Variants in TCTN3 observed in about 807,000 individuals in gnomAD.
TCTN3 encodes the protein tectonic family member 3.
In TCTN3, 57 loss-of-function variants were observed where a neutral mutation model predicts 71.3. The ratio of observed to expected loss-of-function variants is 0.80; its 90% confidence interval spans 0.65 to 1.00. TCTN3 has a LOEUF of 1.00. Ranked by LOEUF, TCTN3 falls within the 50% of genes least tolerant of loss-of-function variation. The pLI, the probability that TCTN3 is intolerant of heterozygous loss-of-function variation, is 0.00. For missense variants in TCTN3, 696 were observed against 719.9 expected, an observed-to-expected ratio of 0.97 and a Z score of 0.38; for synonymous variants, 258 against 267.8, an observed-to-expected ratio of 0.96 and a Z score of 0.36.
intron 13 of TCTN3, among the ~76,000 whole-genome samples, chr10:95,676,656 C>T (rs1397243940): frequency 1.3e-5 from 2 of 151,974 alleles, no homozygotes; most frequent in Non-Finnish European, 2.9e-5. Context: ...ATTTTCTTAC[C>T]ATGGGTGATA....
chr10:95,664,573 G>C lies in TCTN3; in HGVS notation c.1591-273C>G, dbSNP rs532233567. Reference sequence around the variant, plus strand: ...AGCTGGGGAGCTGCCTGATATCAGAGAGGCCACATGGCAAAACTGCTGCTC... The same window carrying C: ...AGCTGGGGAGCTGCCTGATATCAGACAGGCCACATGGCAAAACTGCTGCTC... On this transcript the variant is annotated intron_variant, in intron 13 of 13. Coordinates refer to ENST00000371217, the MANE Select transcript of TCTN3 (RefSeq NM_015631.6). Among the ~76,000 whole-genome samples the C allele has an allele frequency of 3.9e-5, 6 of 152,314 alleles. No homozygotes were observed. The East Asian group carries it at 1.2e-3, about 29-fold the overall frequency.
Position 95,683,506 on chromosome 10 carries a change from G to GC in TCTN3, c.1203+15dup. ...TCATTAGGCTGCAACAGGCCACCCA[G>GC]CTCTAAAAAGGATACTGAGTAACTT... On this transcript the variant is annotated intron_variant, in intron 10 of 13. Coordinates refer to ENST00000371217, the MANE Select transcript of TCTN3 (RefSeq NM_015631.6). 2 of 1,614,130 alleles carry GC rather than the reference G, an allele frequency of 1.2e-6. No homozygotes were observed. Among genetic ancestry groups the GC allele is most frequent in the Non-Finnish European group, 1.7e-6 (2 of 1,180,024 alleles).
chr10:95,665,769 A>G (rs57713066), intron 13 of TCTN3, among the ~76,000 whole-genome samples: 2,262 of 152,224 alleles, frequency 0.015, 56 homozygotes, highest in African/African-American at 0.052. Context: ...TTCAAGTTTA[A>G]CAAAATAGCT....
chr10:95,693,095 AAG>A, intron 2 of TCTN3, 57 bp from the exon 3 acceptor site: 2 of 1,393,090 alleles, frequency 1.4e-6, no homozygotes, highest in Non-Finnish European at 2.0e-6. Context: ...AGGTCCAAAA[AAG>A]AGTGTCCCAG....
intron 13 of TCTN3, among the ~76,000 whole-genome samples, chr10:95,677,766 A>G (rs955934272): frequency 2.4e-4 from 37 of 152,140 alleles, no homozygotes; most frequent in African/African-American, 8.7e-4. Flanking sequence ...AGGTTGTATG[A>G]ATGCAGAACA....
rs1293104268 is a variant in TCTN3 at position 95,693,909 on chromosome 10, A to AGGGCCTCCGGGTCCGACGT, written c.-11_-10insACGTCGGACCCGGAGGCCC. 23 of 1,551,260 alleles carry AGGGCCTCCGGGTCCGACGT rather than the reference A, an allele frequency of 1.5e-5. No homozygotes were observed. The Admixed American group carries it at 4.3e-4, about 29-fold the overall frequency. On this transcript the variant is annotated 5_prime_UTR_variant, in exon 1 of 14. Transcript: ENST00000371217. ...GCTGTGGGGTGCGCATGGGGCATTC[A>AGGGCCTCCGGGTCCGACGT]GGGCCTCCGGGTCCGACGTAGGCCT...
chr10:95,666,163 G>A (rs1185037585), intron 13 of TCTN3, among the ~76,000 whole-genome samples: 5 of 151,530 alleles, frequency 3.3e-5, no homozygotes, highest in East Asian at 3.9e-4. Context: ...GGATGGTCTC[G>A]ATCTCCTGAC....
intron 3 of TCTN3, among the ~76,000 whole-genome samples, chr10:95,690,893 C>T (rs2097952880): frequency 6.6e-6 from 1 of 152,072 alleles, no homozygotes; most frequent in African/African-American, 2.4e-5. Flanking sequence ...GAAATTTTTG[C>T]CTTTTTCATA....
intron 13 of TCTN3, among the ~76,000 whole-genome samples, chr10:95,673,391 T>C (rs1435909863): frequency 6.6e-6 from 1 of 152,142 alleles, no homozygotes; most frequent in African/African-American, 2.4e-5. Context: ...TTTTCCCCCA[T>C]ATGTTTACCC....
Position 95,687,733 on chromosome 10 carries a change from T to A in TCTN3, c.500-14A>T, listed in dbSNP as rs757401240. On this transcript the variant is annotated splice_polypyrimidine_tract_variant and intron_variant, in intron 3 of 13. Transcript: ENST00000371217. ...AGTTTAAGTTTGCTAAAATGTTTTT[T>A]AAAAGAAAAAGCGTTTAGATAAAAG... is the stretch of plus-strand genomic sequence containing the variant. The A allele has an allele frequency of 2.5e-6, 4 of 1,597,052 alleles. No homozygotes were observed. The highest frequency in any genetic ancestry group is 3.4e-6 in the Non-Finnish European group (4 of 1,175,940).
chr10:95,693,115 G>A lies in TCTN3; in HGVS notation c.381-77C>T, dbSNP rs1012790170. The A allele has an allele frequency of 3.9e-6, 5 of 1,277,650 alleles. No individual in the cohort carries two copies. The African/African-American group carries it at 4.4e-5, about 11-fold the overall frequency. 79.1% of individuals were successfully genotyped at this position (1,277,650 alleles called of 1,614,324 possible). On this transcript the variant is annotated intron_variant, in intron 2 of 13. Transcript: ENST00000371217. ...CAAAAAAGAGTGTCCCAGCAATATC[G>A]GCCAGATGATGCCAAAGAGGACTCC... is the stretch of plus-strand genomic sequence containing the variant.
intron 13 of TCTN3, among the ~76,000 whole-genome samples, chr10:95,673,353 A>G (rs1350885404): frequency 1.3e-5 from 2 of 152,142 alleles, no homozygotes; most frequent in Non-Finnish European, 2.9e-5. Flanking sequence ...TACTCTATGT[A>G]TGGACTGAGA....
intron 13 of TCTN3, among the ~76,000 whole-genome samples, chr10:95,676,804 T>C (rs1234175885): frequency 2.0e-5 from 3 of 152,172 alleles, no homozygotes; most frequent in Non-Finnish European, 4.4e-5. Flanking sequence ...AATAATGATA[T>C]CAAGAGTAAT....
rs76824607 is a variant in TCTN3, at chr10:95,678,143, T to C, written c.1590+2329A>G. On this transcript the variant is annotated intron_variant, in intron 13 of 13. Transcript: ENST00000371217. ...GGAGAAGCATCCCAGAAGATATACA[T>C]TCTGCAAGTGTAACTCCTCCTCTTT... 2.3e-4 allele frequency among the ~76,000 whole-genome samples: 35 copies of C among 152,292 alleles called. No homozygotes were observed. The East Asian group carries it at 6.4e-3, about 28-fold the overall frequency.
intron 13 of TCTN3, among the ~76,000 whole-genome samples, chr10:95,676,958 G>A (rs1589608552): frequency 6.6e-6 from 1 of 152,148 alleles, no homozygotes; most frequent in South Asian, 2.1e-4. Flanking sequence ...ACTTGATTTA[G>A]ACCTAGGTCT....
rs60722894 is a variant in TCTN3, at chr10:95,688,397, GAAAAAA to G, written c.500-684_500-679del. 8.6e-5 allele frequency among the ~76,000 whole-genome samples: 9 copies of G among 104,572 alleles called. No individual in the cohort carries two copies. The East Asian group carries it at 1.2e-3, about 14-fold the overall frequency. 68.6% of individuals were successfully genotyped at this position (104,572 alleles called of 152,430 possible). Reference sequence around the variant, plus strand: ...AAGAGCGAAACTCTGTCAAAAAAAAGAAAAAAAAAAAAAAAAAAAAAGAAAAAAAAA... The same window carrying G: ...AAGAGCGAAACTCTGTCAAAAAAAAGAAAAAAAAAAAAAAAGAAAAAAAAA... On this transcript the variant is annotated intron_variant, in intron 3 of 13. Transcript: ENST00000371217.
intron 13 of TCTN3, among the ~76,000 whole-genome samples, chr10:95,678,271 C>T (rs1298535039): frequency 6.6e-6 from 1 of 152,268 alleles, no homozygotes; most frequent in Non-Finnish European, 1.5e-5. Context: ...GTGGCTCACA[C>T]CTGTAATCCC....
At chr10:95,667,321 T>C (rs978616760) in intron 13 of TCTN3, among the ~76,000 whole-genome samples, 6 of 152,008 alleles carry the variant, frequency 3.9e-5, no homozygotes, top group Non-Finnish European at 8.8e-5. Context: ...AAGAAACAGA[T>C]ACAAAAACTC....
At chr10:95,674,542 T>TA (rs993139831) in intron 13 of TCTN3, among the ~76,000 whole-genome samples, 3 of 151,960 alleles carry the variant, frequency 2.0e-5, no homozygotes, top group African/African-American at 4.8e-5. Context: ...TAATCTACTT[T>TA]AAAAAAAATA....
Sources: allele counts gnomAD v4.1 joint callset (sites outside exome capture counted in the v4.1 genomes callset), GRCh38; gene constraint gnomAD v4.1.1; transcripts MANE v1.5; gene names NCBI Gene and HGNC (gene_info 2026-07-23, HGNC 2026-07-21).